Variants in DENND1A observed in about 807,000 individuals in gnomAD.
DENND1A encodes DENN domain-containing protein 1A.
In DENND1A, 51 loss-of-function variants were observed where a neutral mutation model predicts 113.7. The observed-to-expected ratio is 0.45, with a 90% CI of 0.36 to 0.57. DENND1A has a LOEUF of 0.57. DENND1A is among the 20% of genes least tolerant of loss of function. DENND1A has a pLI of 0.00. For synonymous variants in DENND1A, 565 were observed against 570.8 expected (o/e 0.99, Z 0.14); for missense variants, 1,258 against 1,395.9 (o/e 0.90, Z 1.57).
chr9:123,672,578 T>C (rs773954342), intron 6 of DENND1A, among the ~76,000 whole-genome samples: 9 of 152,324 alleles, frequency 5.9e-5, no homozygotes, highest in Middle Eastern at 3.4e-3. Context: ...TTAAATATCA[T>C]TGTAACAGTA....
chr9:123,638,650 C>T (rs928575451), intron 9 of DENND1A, among the ~76,000 whole-genome samples: 2 of 151,890 alleles, frequency 1.3e-5, no homozygotes, highest in African/African-American at 4.8e-5. Flanking sequence ...TTAGTAGAGA[C>T]GGAGTTTCAC....
chr9:123,548,227 T>C (rs1251763508), intron 13 of DENND1A, among the ~76,000 whole-genome samples: 1 of 152,150 alleles, frequency 6.6e-6, no homozygotes, highest in African/African-American at 2.4e-5. Flanking sequence ...CAGGACATGA[T>C]CTTGACTTCA....
chr9:123,396,048 T>C (rs1243111748), intron 21 of DENND1A, among the ~76,000 whole-genome samples: 1 of 151,820 alleles, frequency 6.6e-6, no homozygotes, highest in African/African-American at 2.4e-5. Flanking sequence ...CACCGCCAGA[T>C]CAGGAGACGC....
Position 123,381,546 on chromosome 9 carries a change from G to T in DENND1A, c.3099C>A (p.Asp1033Glu). The T allele has an allele frequency of 1.9e-6, 3 of 1,613,806 alleles. No homozygotes were observed. Among genetic ancestry groups the T allele is most frequent in the South Asian group, 1.1e-5 (1 of 91,090 alleles). Residue 1033 changes from aspartate (D) to glutamate (E), a missense_variant, in exon 24 of 24, where the codon GAC (aspartate) becomes GAA (glutamate). Around this residue, in one of 2 missense-constraint regions of DENND1A, gnomAD observed 1,159 missense variants for 1,231.7 expected, o/e 0.94. Transcript: ENST00000394215. The surrounding 1 kb of genome is among the most constrained non-coding windows in gnomAD (Gnocchi z 4.7). The part of the protein sequence containing the change: ...LQPSAPQQAR[D>E]PFEDLLQKTK... ...TTTTCTGTAACAAATCCTCAAAGGG[G>T]TCTCTGGCCTGTTGAGGAGCAGAGG...
intron 2 of DENND1A, among the ~76,000 whole-genome samples, chr9:123,837,225 A>G (rs187465245): frequency 1.1e-3 from 174 of 152,300 alleles, no homozygotes; most frequent in Non-Finnish European, 2.1e-3. Context: ...ATTGTCTGCA[A>G]TTAGAATAAT....
At chr9:123,853,687 T>G (rs1479120300) in intron 2 of DENND1A, among the ~76,000 whole-genome samples, 1 of 152,052 alleles carries the variant, frequency 6.6e-6, no homozygotes, top group Non-Finnish European at 1.5e-5. Flanking sequence ...AATTATGAGC[T>G]CTAGCTAGCA....
intron 2 of DENND1A, among the ~76,000 whole-genome samples, chr9:123,834,679 TC>T (rs543902418): frequency 2.7e-3 from 409 of 152,288 alleles, no homozygotes; most frequent in African/African-American, 9.6e-3. Context: ...TTAGGTTTTC[TC>T]CAAGAAACAA....
chr9:123,501,539 T>C (rs1156698075), intron 13 of DENND1A, among the ~76,000 whole-genome samples: 1 of 152,228 alleles, frequency 6.6e-6, no homozygotes, highest in Non-Finnish European at 1.5e-5. Flanking sequence ...GGAACCATCA[T>C]ACTGTTTTCC....
At chr9:123,443,673 G>A (rs1227985318) in intron 18 of DENND1A, among the ~76,000 whole-genome samples, 1 of 152,252 alleles carries the variant, frequency 6.6e-6, no homozygotes, top group Non-Finnish European at 1.5e-5. Context: ...AGAAATAAGA[G>A]GCTGGGTGTG....
At chr9:123,447,933 T>C (rs2047428586) in intron 18 of DENND1A, among the ~76,000 whole-genome samples, 1 of 152,122 alleles carries the variant, frequency 6.6e-6, no homozygotes. Context: ...GAGTTTCAAT[T>C]ACAAAATAGC....
intron 8 of DENND1A, among the ~76,000 whole-genome samples, chr9:123,656,313 C>T (rs1023808205): frequency 5.3e-5 from 8 of 152,168 alleles, no homozygotes; most frequent in Admixed American, 5.2e-4. Flanking sequence ...TGACATGACC[C>T]TATTTGTGTT....
At chr9:123,413,458 A>G (rs1250634787) in intron 19 of DENND1A, 2 of 985,266 alleles carry the variant, frequency 2.0e-6, no homozygotes, top group African/African-American at 3.5e-5. Context: ...GACACTTCAG[A>G]TCTCAAATCT....
At chr9:123,798,408 G>C (rs1293507320) in intron 2 of DENND1A, 3 of 152,144 alleles carry the variant, frequency 2.0e-5, no homozygotes, top group Non-Finnish European at 4.4e-5. Context: ...TTGAAGTTAT[G>C]AATGTAGTAC....
At chr9:123,798,259 A>C (rs1834069928) in intron 2 of DENND1A, 1 of 152,162 alleles carries the variant, frequency 6.6e-6, no homozygotes, top group Non-Finnish European at 1.5e-5. Context: ...GCAAAAACCC[A>C]CCTCAGTATG....
At position 123,479,846 on chromosome 9, in the gene DENND1A, C is replaced by G. The variant is rs1047076990; in HGVS notation, c.994-21949G>C. ...CCTCTTGCTTCTTGCTTCCTTTAGA[C>G]GCTAACTGCAGGGTGATTTGTGGTT... On this transcript the variant is annotated intron_variant, in intron 13 of 23. Transcript: ENST00000394215. Among the ~76,000 whole-genome samples the G allele has an allele frequency of 6.6e-5, 10 of 152,198 alleles. No homozygotes were observed. In the South Asian group the frequency reaches 2.1e-3, roughly 32 times the overall value.
At chr9:123,433,526 G>A (rs1196901473) in intron 19 of DENND1A, among the ~76,000 whole-genome samples, 5 of 152,164 alleles carry the variant, frequency 3.3e-5, no homozygotes, top group Admixed American at 6.5e-5. Context: ...ACTTCAGCCT[G>A]CCTCTCCTAG....
At chr9:123,520,849 G>C (rs1170162089) in intron 13 of DENND1A, among the ~76,000 whole-genome samples, 2 of 152,182 alleles carry the variant, frequency 1.3e-5, no homozygotes, top group Non-Finnish European at 2.9e-5. Flanking sequence ...AGAAACCCTT[G>C]TTCAAATGAA....
rs763689172 is a variant in DENND1A, at chr9:123,652,110, T to G, written c.521A>C (p.Glu174Ala). The G allele has an allele frequency of 2.6e-5, 42 of 1,614,016 alleles. No individual in the cohort carries two copies. The highest frequency in any genetic ancestry group is 2.4e-5 in the Non-Finnish European group (28 of 1,179,994). The change falls in exon 9 of 24, where the codon GAA becomes GCA. Residue 174 changes from glutamate to alanine, a missense_variant. By Grantham distance (107) the Glu-to-Ala change is moderately radical. Around this residue, in one of 2 missense-constraint regions of DENND1A, gnomAD observed 1,159 missense variants for 1,231.7 expected, o/e 0.94. Transcript: ENST00000394215. Reference sequence around the variant, plus strand: ...GTTAACATCCACAGCCACAAAATATTCTGTCAGATTTCTCTAGGAGAAAGA... The same window carrying G: ...GTTAACATCCACAGCCACAAAATATGCTGTCAGATTTCTCTAGGAGAAAGA... ...PSIPENRNLT[E>A]YFVAVDVNNM... is the part of the protein sequence containing the mutation.
At position 123,422,979 on chromosome 9, in the gene DENND1A, T is replaced by TC. The variant is rs1314363382; in HGVS notation, c.1489-11151dup. On this transcript the variant is annotated intron_variant, in intron 19 of 23. Transcript: ENST00000394215. This position sits in a 1 kb window ranked among gnomAD's most constrained non-coding sequence, Gnocchi z 4.8. Reference sequence around the variant, plus strand: ...GACCAACTGCTGGAAAATCTCACTGTCAAATCCTCAAGGACATTGTCAGCG... The same window carrying TC: ...GACCAACTGCTGGAAAATCTCACTGTCCAAATCCTCAAGGACATTGTCAGCG... Among the ~76,000 whole-genome samples the TC allele has an allele frequency of 6.6e-6, 1 of 152,176 alleles. No homozygotes were observed. Among genetic ancestry groups the TC allele is most frequent in the Non-Finnish European group, 1.5e-5 (1 of 68,036 alleles).
Sources: gnomAD v4.1 joint callset for allele counts (sites outside exome capture counted in the v4.1 genomes callset) on GRCh38, gnomAD v4.1.1 for gene constraint, gnomAD v4.1.1 regional missense constraint, Gnocchi (gnomAD v3.1) non-coding constraint, MANE v1.5 for transcripts, NCBI Gene and HGNC (gene_info 2026-07-23, HGNC 2026-07-21) for gene names.